TENM2: variants seen among roughly 807,000 people sequenced by gnomAD.
TENM2 encodes teneurin transmembrane protein 2, also known as teneurin-2.
Under a neutral mutation model 245.2 loss-of-function variants are expected in TENM2, and 52 were observed. That is an observed-to-expected ratio of 0.21 (90% CI 0.17 to 0.27). TENM2 has a LOEUF of 0.27. Ranked by LOEUF, TENM2 falls within the 10% of genes least tolerant of loss-of-function variation. The probability of loss-of-function intolerance (pLI) is 1.00; values close to 1 mark genes in which losing one functional copy is unlikely to be tolerated. For synonymous variants in TENM2, 1,363 were observed against 1,438.9 expected (o/e 0.95, Z 1.19); for missense variants, 3,046 against 3,666.8 (o/e 0.83, Z 4.37).
At chr5:167,424,056 T>C (rs192458729) in intron 2 of TENM2, among the ~76,000 whole-genome samples, 1 of 152,354 alleles carries the variant, frequency 6.6e-6, no homozygotes, top group Non-Finnish European at 1.5e-5. Context: ...TCTGCTTCTC[T>C]GCCTCTGTCC....
rs1377310296 is a variant in TENM2, at chr5:168,118,415, G to C, written c.1937G>C (p.Gly646Ala). ...AATCAGTGCATCGATCCTTCCTGCG[G>C]GGGCCACGGCTCCTGCATTGATGGG... The change falls in exon 10 of 29, where the codon GGG becomes GCG. Residue 646 changes from glycine (G) to alanine (A), a missense_variant. Gly to Ala is a moderately conservative substitution (Grantham distance 60). This residue lies in a region of TENM2 where 2,704 missense variants were observed against 3,331.9 expected (regional missense o/e 0.81). Transcript: ENST00000518659. The C allele has an allele frequency of 1.9e-6, 3 of 1,610,938 alleles. No homozygotes were observed. The highest frequency in any genetic ancestry group is 1.7e-6 in the Non-Finnish European group (2 of 1,177,600).
At chr5:167,762,451 C>T (rs959297629) in intron 2 of TENM2, among the ~76,000 whole-genome samples, 2 of 152,220 alleles carry the variant, frequency 1.3e-5, no homozygotes, top group Non-Finnish European at 1.5e-5. Flanking sequence ...ATGCTTCCCT[C>T]CCTTCCTCTC....
chr5:167,404,886 G>C (rs1313240969), intron 2 of TENM2, among the ~76,000 whole-genome samples: 2 of 152,058 alleles, frequency 1.3e-5, no homozygotes, highest in African/African-American at 4.8e-5. Context: ...CAATTTTAGA[G>C]TATTTTTATC....
chr5:167,082,716 A>G, the TENM2 span, among the ~76,000 whole-genome samples: 1 of 152,234 alleles, frequency 6.6e-6, no homozygotes, highest in Non-Finnish European at 1.5e-5. Context: ...GGAAAAAAGT[A>G]GTAGGTTCAC....
intron 17 of TENM2, among the ~76,000 whole-genome samples, chr5:168,200,645 C>T (rs1345319223): frequency 6.6e-6 from 1 of 152,172 alleles, no homozygotes; most frequent in Non-Finnish European, 1.5e-5. Flanking sequence ...TTGTAAATGG[C>T]ACAGAATGAC....
chr5:167,246,675 G>C, the TENM2 span, among the ~76,000 whole-genome samples: 2 of 152,158 alleles, frequency 1.3e-5, no homozygotes, highest in African/African-American at 4.8e-5. Context: ...GCAGTAGTTG[G>C]TGGGGAGCTG....
intron 2 of TENM2, among the ~76,000 whole-genome samples, chr5:167,637,396 T>C (rs1249035078): frequency 6.6e-6 from 1 of 152,204 alleles, no homozygotes; most frequent in Non-Finnish European, 1.5e-5. Context: ...GGTATAGGCA[T>C]GGATATATGA....
intron 2 of TENM2, among the ~76,000 whole-genome samples, chr5:167,381,118 C>T (rs1172493531): frequency 6.6e-6 from 1 of 152,008 alleles, no homozygotes; most frequent in Non-Finnish European, 1.5e-5. Flanking sequence ...AGTAATGAGG[C>T]ACTTCAATTA....
intron 2 of TENM2, among the ~76,000 whole-genome samples, chr5:167,541,802 C>T (rs867816360): frequency 2.6e-5 from 4 of 152,114 alleles, no homozygotes; most frequent in Middle Eastern, 3.2e-3. Context: ...TGAAATTATA[C>T]TGATTTTACA....
chr5:167,883,068 A>AAGC (rs1156886401), intron 3 of TENM2, among the ~76,000 whole-genome samples: 1 of 152,188 alleles, frequency 6.6e-6, no homozygotes. Context: ...CAGTCATGCA[A>AAGC]AGCAGATCCT....
chr5:167,087,977 A>G, the TENM2 span, among the ~76,000 whole-genome samples: 1 of 151,988 alleles, frequency 6.6e-6, no homozygotes, highest in Admixed American at 6.6e-5. Context: ...TTTAGTAGAG[A>G]CAAGGTTTCA....
chr5:167,703,091 C>G (rs111529100), intron 2 of TENM2, among the ~76,000 whole-genome samples: 1,783 of 152,320 alleles, frequency 0.012, 44 homozygotes, highest in African/African-American at 0.041. Flanking sequence ...GGCACTCATA[C>G]CTACATTCAT....
At chr5:167,425,626 A>G (rs1340190483) in intron 2 of TENM2, among the ~76,000 whole-genome samples, 2 of 152,210 alleles carry the variant, frequency 1.3e-5, no homozygotes, top group Non-Finnish European at 2.9e-5. Context: ...AATAAGATAA[A>G]ATACACAAGA....
chr5:167,454,242 C>T (rs561518349), intron 2 of TENM2, among the ~76,000 whole-genome samples: 64 of 152,240 alleles, frequency 4.2e-4, no homozygotes, highest in Middle Eastern at 6.8e-3. Context: ...TCTTTCCTTT[C>T]CAACAGGCAT....
At chr5:168,069,496 A>C (rs190196789) in intron 7 of TENM2, among the ~76,000 whole-genome samples, 211 of 152,346 alleles carry the variant, frequency 1.4e-3, no homozygotes, top group African/African-American at 4.6e-3. Context: ...ATCCCTCTCC[A>C]TTTAACATGA....
At chr5:167,459,928 ACACACACG>A (rs1417820796) in intron 2 of TENM2, among the ~76,000 whole-genome samples, 1 of 151,592 alleles carries the variant, frequency 6.6e-6, no homozygotes, top group East Asian at 1.9e-4. Flanking sequence ...ACACACACAC[ACACACACG>A]CACACACACA....
intron 2 of TENM2, among the ~76,000 whole-genome samples, chr5:167,507,784 A>G (rs1190861165): frequency 2.0e-5 from 3 of 152,222 alleles, no homozygotes; most frequent in Admixed American, 6.5e-5. Flanking sequence ...AACAATTACC[A>G]TAGGAATTAC....
chr5:167,127,910 C>A, the TENM2 span, among the ~76,000 whole-genome samples: 6 of 152,122 alleles, frequency 3.9e-5, no homozygotes, highest in Non-Finnish European at 7.4e-5. Context: ...TGCCCTGAAA[C>A]ACTAATAGGA....
intron 3 of TENM2, among the ~76,000 whole-genome samples, chr5:167,900,142 G>C (rs966996966): frequency 7.7e-5 from 10 of 129,334 alleles, no homozygotes; most frequent in East Asian, 5.2e-4. Flanking sequence ...AAGGGGGGGG[G>C]GGTTTTGGAA....
Sources: gnomAD v4.1 joint callset for allele counts (sites outside exome capture counted in the v4.1 genomes callset) on GRCh38, gnomAD v4.1.1 for gene constraint, gnomAD v4.1.1 regional missense constraint, MANE v1.5 for transcripts, NCBI Gene and HGNC (gene_info 2026-07-23, HGNC 2026-07-21) for gene names.